SLC25A21: variants seen among roughly 807,000 people sequenced by gnomAD.
SLC25A21 encodes the protein mitochondrial 2-oxodicarboxylate carrier.
Under a neutral mutation model 43.8 loss-of-function variants are expected in SLC25A21, and 47 were observed. That is an observed-to-expected ratio of 1.07 (90% CI 0.85 to 1.37). SLC25A21 has a LOEUF of 1.37. Ranked by LOEUF, SLC25A21 falls within the 40% of genes most tolerant of loss-of-function variation. SLC25A21 has a pLI of 0.00. For synonymous variants in SLC25A21, 131 were observed against 121.3 expected (o/e 1.08, Z -0.52); for missense variants, 352 against 350.2 (o/e 1.00, Z -0.04).
At chr14:37,030,421 T>C (rs1489203500) in intron 1 of SLC25A21, among the ~76,000 whole-genome samples, 1 of 152,022 alleles carries the variant, frequency 6.6e-6, no homozygotes, top group Non-Finnish European at 1.5e-5. Context: ...CAGTTACTCA[T>C]GATATTCCTC....
chr14:36,984,382 A>G (rs956599061), intron 1 of SLC25A21, among the ~76,000 whole-genome samples: 2 of 152,188 alleles, frequency 1.3e-5, no homozygotes, highest in East Asian at 3.9e-4. Flanking sequence ...AAACTGTTAC[A>G]TTTCATTTGA....
chr14:36,711,501 A>C lies in SLC25A21; in HGVS notation c.439-19T>G. The C allele has an allele frequency of 6.2e-7, 1 of 1,610,974 alleles. No homozygotes were observed. Among genetic ancestry groups the C allele is most frequent in the Non-Finnish European group, 8.5e-7 (1 of 1,178,832 alleles). On this transcript the variant is annotated intron_variant, in intron 6 of 9. Coordinates refer to ENST00000331299, the MANE Select transcript of SLC25A21 (RefSeq NM_030631.4). ...ATGGTTGCTGCAGAAGAGAGAAGCA[A>C]GGCCAGAATGATCATCTTTGGGACT... is the stretch of plus-strand genomic sequence containing the variant.
At chr14:36,952,997 A>G (rs1339841731) in intron 1 of SLC25A21, among the ~76,000 whole-genome samples, 1 of 152,166 alleles carries the variant, frequency 6.6e-6, no homozygotes, top group African/African-American at 2.4e-5. Context: ...GGTGTTGTGG[A>G]ATTTGATTTT....
intron 1 of SLC25A21, among the ~76,000 whole-genome samples, chr14:36,886,143 T>A (rs1154116): frequency 0.8 from 122,266 of 152,124 alleles, 49,813 homozygotes; most frequent in Non-Finnish European, 0.87. Context: ...AGCAAATCAT[T>A]ACAACATCCT....
At chr14:36,705,775 C>A (rs139394110) in intron 7 of SLC25A21, among the ~76,000 whole-genome samples, 1 of 152,120 alleles carries the variant, frequency 6.6e-6, no homozygotes, top group Non-Finnish European at 1.5e-5. Context: ...AGTCAGAGTG[C>A]GTGAAATCTC....
intron 3 of SLC25A21, among the ~76,000 whole-genome samples, chr14:36,762,643 C>A (rs1294468201): frequency 1.3e-5 from 2 of 152,198 alleles, no homozygotes; most frequent in African/African-American, 4.8e-5. Flanking sequence ...GGAACTGAAT[C>A]CTAGTTCAAT....
chr14:36,919,076 A>G (rs961677525), intron 1 of SLC25A21, among the ~76,000 whole-genome samples: 5 of 151,854 alleles, frequency 3.3e-5, no homozygotes, highest in Non-Finnish European at 5.9e-5. Flanking sequence ...ATTCATATAA[A>G]ATAAATGAAT....
rs145284752 is a variant in SLC25A21, at chr14:37,147,220, C to A, written c.70+25061G>T. ...AAAATAAAGAAATGCCAGTTAACAG[C>A]GTTATTAAAATTTACTTTAAGGACT... On this transcript the variant is annotated intron_variant, in intron 1 of 9. Coordinates refer to ENST00000331299, the MANE Select transcript of SLC25A21 (RefSeq NM_030631.4). Among the ~76,000 whole-genome samples the A allele has an allele frequency of 2.0e-3, 308 of 152,194 alleles. 1 individual carries two copies. Among genetic ancestry groups the A allele is most frequent in the African/African-American group, 6.9e-3 (288 of 41,498 alleles).
intron 1 of SLC25A21, among the ~76,000 whole-genome samples, chr14:37,099,143 T>C (rs1962768023): frequency 6.6e-6 from 1 of 152,062 alleles, no homozygotes; most frequent in African/African-American, 2.4e-5. Flanking sequence ...TGAGACCACA[T>C]TGATTTGTAA....
At chr14:36,830,477 T>C (rs1444981785) in intron 2 of SLC25A21, among the ~76,000 whole-genome samples, 1 of 152,076 alleles carries the variant, frequency 6.6e-6, no homozygotes, top group East Asian at 1.9e-4. Flanking sequence ...TTTTTTTCTC[T>C]AATTATTGTT....
At chr14:36,719,978 C>G (rs1317095421) in intron 6 of SLC25A21, among the ~76,000 whole-genome samples, 1 of 152,136 alleles carries the variant, frequency 6.6e-6, no homozygotes, top group Admixed American at 6.5e-5. Flanking sequence ...GAAGGAACTT[C>G]AGCTCTGTGC....
At chr14:36,760,906 A>G (rs1310215269) in intron 3 of SLC25A21, among the ~76,000 whole-genome samples, 2 of 152,140 alleles carry the variant, frequency 1.3e-5, no homozygotes, top group Non-Finnish European at 2.9e-5. Flanking sequence ...GGAGAGAGGA[A>G]GAAAGGAAAG....
chr14:37,014,219 T>C (rs1306334646), intron 1 of SLC25A21, among the ~76,000 whole-genome samples: 1 of 152,158 alleles, frequency 6.6e-6, no homozygotes, highest in Non-Finnish European at 1.5e-5. Context: ...ACAAAAGATT[T>C]TTCTATAGAT....
intron 1 of SLC25A21, among the ~76,000 whole-genome samples, chr14:37,061,567 T>A (rs551111646): frequency 7.4e-4 from 113 of 152,176 alleles, no homozygotes; most frequent in Admixed American, 2.4e-3. Context: ...ACTGTTCTAC[T>A]CTATTTAGAG....
rs758600060 is a variant in SLC25A21 at position 36,683,865 on chromosome 14, G to T, written c.801C>A (p.Tyr267Ter). Residue 267 changes from tyrosine to a stop codon, truncating the protein, a stop_gained, in exon 9 of 10, where the codon TAC (tyrosine) becomes TAA (stop). Coordinates refer to ENST00000331299, the MANE Select transcript of SLC25A21 (RefSeq NM_030631.4). LOFTEE classifies it high-confidence loss of function. The part of the protein sequence containing the change: ...VYQEEGILAL[Y>*]KGLLPKIMRL... ...TCATAATCTTGGGAAGCAGGCCTTT[G>T]TACAAAGCTAAAATCCTGTAATGGG... 2.5e-6 allele frequency: 4 copies of T among 1,606,612 alleles called. No individual in the cohort carries two copies. Among genetic ancestry groups the T allele is most frequent in the Non-Finnish European group, 3.4e-6 (4 of 1,175,914 alleles).
intron 6 of SLC25A21, among the ~76,000 whole-genome samples, chr14:36,715,072 C>T (rs559202037): frequency 5.1e-4 from 78 of 152,288 alleles, no homozygotes; most frequent in East Asian, 2.3e-3. Flanking sequence ...CAATGTTGTT[C>T]TTTACACACT....
chr14:36,897,211 C>T (rs1003284523), intron 1 of SLC25A21, among the ~76,000 whole-genome samples: 2 of 152,182 alleles, frequency 1.3e-5, no homozygotes, highest in Non-Finnish European at 2.9e-5. Context: ...CACATAGTCC[C>T]ATATTTCTTG....
At chr14:36,704,753 T>TCCGG (rs1418395389) in intron 7 of SLC25A21, among the ~76,000 whole-genome samples, 1 of 152,062 alleles carries the variant, frequency 6.6e-6, no homozygotes, top group African/African-American at 2.4e-5. Context: ...TCGAAAGAGT[T>TCCGG]CCGGTCTCTG....
chr14:37,032,488 A>T (rs1265309649), intron 1 of SLC25A21, among the ~76,000 whole-genome samples: 1 of 152,082 alleles, frequency 6.6e-6, no homozygotes, highest in Non-Finnish European at 1.5e-5. Context: ...ATGAGCGGAG[A>T]TTGTGCCACT....
Sources: allele counts gnomAD v4.1 joint callset (sites outside exome capture counted in the v4.1 genomes callset), GRCh38; gene constraint gnomAD v4.1.1; transcripts MANE v1.5; gene names NCBI Gene and HGNC (gene_info 2026-07-23, HGNC 2026-07-21).